The following ADGRL3 variants were observed in gnomAD, a reference collection of about 807,000 sequenced individuals.
ADGRL3 encodes the protein calcium-independent alpha-latrotoxin receptor 3.
ADGRL3 carries 62 observed loss-of-function variants against 153.5 expected under a neutral mutation model. The ratio of observed to expected loss-of-function variants is 0.40; its 90% CI spans 0.33 to 0.50. The LOEUF (loss-of-function observed/expected upper bound fraction) is 0.50. ADGRL3 is among the 20% of genes least tolerant of loss of function. The pLI is 0.47. For synonymous variants in ADGRL3, 710 were observed against 672.5 expected, an observed-to-expected ratio of 1.06 and a Z score of -0.86; for missense variants, 1,641 against 1,859.4, an observed-to-expected ratio of 0.88 and a Z score of 2.16.
At chr4:61,468,540 T>TTAACC (rs1207316926) in intron 2 of ADGRL3, among the ~76,000 whole-genome samples, 2 of 152,186 alleles carry the variant, frequency 1.3e-5, no homozygotes, top group African/African-American at 4.8e-5. Flanking sequence ...TATCAAAGCC[T>TTAACC]TAACCTCAAA....
intron 19 of ADGRL3, among the ~76,000 whole-genome samples, chr4:61,994,592 T>G (rs1028736124): frequency 6.6e-6 from 1 of 152,024 alleles, no homozygotes; most frequent in African/African-American, 2.4e-5. Flanking sequence ...ATAAACATCA[T>G]TGCCTCCATT....
intron 1 of ADGRL3, among the ~76,000 whole-genome samples, chr4:61,310,728 A>G (rs1429555978): frequency 4.8e-5 from 6 of 124,756 alleles, no homozygotes; most frequent in African/African-American, 1.4e-4. Flanking sequence ...ACCCTGTAAG[A>G]TCAGTTTTTT....
At position 61,736,177 on chromosome 4, in the gene ADGRL3, C is replaced by G. The variant is rs539877523; in HGVS notation, c.1399+2623C>G. ...TCCCCCTCCATATGTATGTACATAT[C>G]CCCCTCCATATGTATGTATGTACAT... is the stretch of plus-strand genomic sequence containing the variant. On this transcript the variant is annotated intron_variant, in intron 8 of 26. Transcript: ENST00000683033. Among the ~76,000 whole-genome samples the G allele has an allele frequency of 3.3e-5, 5 of 151,958 alleles. No homozygotes were observed. In the East Asian group the frequency reaches 7.8e-4, roughly 24 times the overall value.
At chr4:61,947,332 T>G (rs2098929362) in intron 16 of ADGRL3, among the ~76,000 whole-genome samples, 1 of 152,162 alleles carries the variant, frequency 6.6e-6, no homozygotes, top group Admixed American at 6.5e-5. Context: ...GGTGAAAGCA[T>G]TCATAGATGG....
chr4:61,883,913 A>C (rs1459766843), intron 9 of ADGRL3, among the ~76,000 whole-genome samples: 2 of 152,228 alleles, frequency 1.3e-5, no homozygotes, highest in Admixed American at 6.5e-5. Flanking sequence ...ACAATTACAC[A>C]ATGTGTAATG....
At chr4:61,884,566 A>G (rs2098526355) in intron 9 of ADGRL3, among the ~76,000 whole-genome samples, 1 of 152,124 alleles carries the variant, frequency 6.6e-6, no homozygotes, top group Non-Finnish European at 1.5e-5. Flanking sequence ...TTAGCTCTAT[A>G]AAGATTACTT....
chr4:61,333,066 A>G (rs1487361185), intron 1 of ADGRL3, among the ~76,000 whole-genome samples: 1 of 152,036 alleles, frequency 6.6e-6, no homozygotes, highest in African/African-American at 2.4e-5. Context: ...CTGTCTCCTT[A>G]CCATTTTTAT....
At chr4:61,748,949 G>A (rs532459362) in intron 8 of ADGRL3, among the ~76,000 whole-genome samples, 13 of 150,970 alleles carry the variant, frequency 8.6e-5, no homozygotes, top group East Asian at 1.9e-4. Flanking sequence ...GAAAATTTTC[G>A]CAACCTACTC....
chr4:61,857,572 T>C (rs760997156), intron 9 of ADGRL3, among the ~76,000 whole-genome samples: 2 of 151,864 alleles, frequency 1.3e-5, no homozygotes, highest in Non-Finnish European at 2.9e-5. Flanking sequence ...GGAGGGGGTC[T>C]AAGATTATAG....
At chr4:61,465,125 A>G (rs1014663445) in intron 2 of ADGRL3, among the ~76,000 whole-genome samples, 1 of 152,224 alleles carries the variant, frequency 6.6e-6, no homozygotes, top group African/African-American at 2.4e-5. Flanking sequence ...GAAGACCCAC[A>G]TAGTTGATGA....
intron 4 of ADGRL3, among the ~76,000 whole-genome samples, chr4:61,553,032 C>T (rs1386952417): frequency 6.6e-6 from 1 of 152,108 alleles, no homozygotes; most frequent in Non-Finnish European, 1.5e-5. Context: ...AATTTCAGTG[C>T]ATGTTAAAGG....
Position 61,909,544 on chromosome 4 carries a change from C to T in ADGRL3, c.1888-16C>T, listed in dbSNP as rs1312746321. ...TGTGAGATCTCTTTCCTTTGTATTCCATTTAAAAATTATAGTTGAAATCTG... is the reference window on the plus strand; with the variant it reads ...TGTGAGATCTCTTTCCTTTGTATTCTATTTAAAAATTATAGTTGAAATCTG... On this transcript the variant is annotated splice_polypyrimidine_tract_variant and intron_variant, in intron 11 of 26. Coordinates refer to ENST00000683033, the MANE Select transcript of ADGRL3 (RefSeq NM_001387552.1). The T allele has an allele frequency of 6.3e-7, 1 of 1,587,140 alleles. No individual in the cohort carries two copies. The highest frequency in any genetic ancestry group is 1.1e-5 in the South Asian group (1 of 88,792).
At chr4:61,295,142 A>G (rs547750123) in intron 1 of ADGRL3, among the ~76,000 whole-genome samples, 2 of 152,116 alleles carry the variant, frequency 1.3e-5, no homozygotes, top group Admixed American at 1.3e-4. Flanking sequence ...AGTATCTCTA[A>G]GCTGTCTATG....
chr4:61,644,275 G>A (rs866019123), intron 5 of ADGRL3, among the ~76,000 whole-genome samples: 1 of 105,180 alleles, frequency 9.5e-6, no homozygotes, highest in African/African-American at 2.9e-5. Context: ...AGGGTTTTTT[G>A]TGTCTCTATT....
At chr4:62,041,603 G>A (rs1728322219) in intron 24 of ADGRL3, among the ~76,000 whole-genome samples, 1 of 151,872 alleles carries the variant, frequency 6.6e-6, no homozygotes, top group Non-Finnish European at 1.5e-5. Flanking sequence ...CCTCCAGAAA[G>A]GCTCCTAAAT....
intron 2 of ADGRL3, among the ~76,000 whole-genome samples, chr4:61,460,171 T>C (rs1405574781): frequency 6.6e-6 from 1 of 152,144 alleles, no homozygotes; most frequent in Admixed American, 6.6e-5. Context: ...TCCTGAAGCA[T>C]TTCCCCTATG....
chr4:61,495,985 A>AT (rs2098311443), intron 2 of ADGRL3, among the ~76,000 whole-genome samples: 1 of 152,220 alleles, frequency 6.6e-6, no homozygotes, highest in Non-Finnish European at 1.5e-5. Context: ...TGAAAATGAA[A>AT]TTTCGGGCAT....
At chr4:61,726,639 C>T (rs1462479320) in intron 6 of ADGRL3, among the ~76,000 whole-genome samples, 1 of 152,058 alleles carries the variant, frequency 6.6e-6, no homozygotes, top group Non-Finnish European at 1.5e-5. Flanking sequence ...TCTGCCATAT[C>T]CCAACTGCCC....
intron 2 of ADGRL3, among the ~76,000 whole-genome samples, chr4:61,403,306 A>G (rs1228985476): frequency 1.3e-5 from 2 of 152,088 alleles, no homozygotes; most frequent in Non-Finnish European, 2.9e-5. Context: ...TTCCGGGGAC[A>G]TCAACCATGT....
Sources: allele counts gnomAD v4.1 joint callset (sites outside exome capture counted in the v4.1 genomes callset), GRCh38; gene constraint gnomAD v4.1.1; transcripts MANE v1.5; gene names NCBI Gene and HGNC (gene_info 2026-07-23, HGNC 2026-07-21).